IFT172: variants seen among roughly 807,000 people sequenced by gnomAD.
IFT172 encodes intraflagellar transport protein 172 homolog.
Under a neutral mutation model 248.9 loss-of-function variants are expected in IFT172, and 164 were observed. That is an observed-to-expected ratio of 0.66 (90% CI 0.58 to 0.75). The LOEUF (loss-of-function observed/expected upper bound fraction) is 0.75. Among genes scored for constraint, IFT172 ranks in the 30% least tolerant of loss-of-function variants. IFT172 has a pLI of 0.00. For synonymous variants in IFT172, 729 were observed against 791.6 expected (o/e 0.92, Z 1.33); for missense variants, 1,950 against 2,192.4 (o/e 0.89, Z 2.21).
chr2:27,485,745 A>G (rs1306234964), intron 1 of IFT172, among the ~76,000 whole-genome samples: 2 of 152,222 alleles, frequency 1.3e-5, no homozygotes, highest in East Asian at 1.9e-4. Context: ...TGCTAAGTCA[A>G]CTGTATCAAT....
intron 35 of IFT172, 186 bp downstream of exon 35, chr2:27,453,198 C>G (rs1158827931): frequency 1.2e-6 from 1 of 822,224 alleles, no homozygotes. Context: ...AGGGCTCTGT[C>G]TTATATCCAC....
rs1666669350 is a variant in IFT172, at chr2:27,461,527, C to A, written c.2194-10G>T. On this transcript the variant is annotated splice_polypyrimidine_tract_variant and intron_variant, in intron 21 of 47. Transcript: ENST00000260570. Reference sequence around the variant, plus strand: ...CCAGGGCTGGGTGCCCCTGGACATGCACAGAGGACAACTAGGAGTCACATC... The same window carrying A: ...CCAGGGCTGGGTGCCCCTGGACATGAACAGAGGACAACTAGGAGTCACATC... 5 of 1,613,034 alleles carry A rather than the reference C, an allele frequency of 3.1e-6. No homozygotes were observed. In the African/African-American group the frequency reaches 4.0e-5, roughly 13 times the overall value.
chr2:27,478,229 C>T, intron 10 of IFT172, 73 bp from the exon 11 acceptor site: 1 of 1,573,942 alleles, frequency 6.4e-7, no homozygotes, highest in Non-Finnish European at 8.7e-7. Context: ...ATGACCTTTG[C>T]CCACCTCCAC....
intron 8 of IFT172, among the ~76,000 whole-genome samples, chr2:27,480,465 G>A (rs1668280117): frequency 6.6e-6 from 1 of 152,176 alleles, no homozygotes. Flanking sequence ...AGTGAAGAAA[G>A]AAGAGAATAC....
intron 13 of IFT172, 127 bp from the exon 14 acceptor site, chr2:27,476,853 ACTCTGGTTGCC>A: frequency 1.5e-6 from 1 of 645,608 alleles, no homozygotes; most frequent in Non-Finnish European, 2.7e-6. Flanking sequence ...ACAGGGTCTC[ACTCTGGTTGCC>A]AAAGCTGAAG....
chr2:27,451,761 G>A (rs186254836), intron 35 of IFT172, among the ~76,000 whole-genome samples: 51 of 152,090 alleles, frequency 3.4e-4, no homozygotes, highest in Non-Finnish European at 5.7e-4. Flanking sequence ...GCAAGACTCC[G>A]TCTCAAAAAA....
At chr2:27,480,217 C>T in intron 8 of IFT172, 68 bp from the exon 9 acceptor site, 1 of 1,512,948 alleles carries the variant, frequency 6.6e-7, no homozygotes, top group Non-Finnish European at 8.8e-7. Flanking sequence ...GGGCTGATAA[C>T]CAAAGGAAAT....
chr2:27,444,517 G>A lies in IFT172; in HGVS notation c.5165C>T (p.Ser1722Phe). Reference protein sequence around the residue: ...WNKFLMAIKTSHSPVCQDVLK... With the variant: ...WNKFLMAIKTFHSPVCQDVLK... ...CACGTCCTGGCACACTGGGCTGTGG[G>A]AGGTCTGTGAGCAAATGGAAGAACA... Residue 1722 changes from serine (S) to phenylalanine (F), a missense_variant, in exon 48 of 48, where the codon TCC becomes TTC. Ser to Phe is a radical substitution (Grantham distance 155). Coordinates refer to ENST00000260570, the MANE Select transcript of IFT172 (RefSeq NM_015662.3). 6.2e-7 allele frequency: 1 copy of A among 1,613,124 alleles called. No individual in the cohort carries two copies. The highest frequency in any genetic ancestry group is 8.5e-7 in the Non-Finnish European group (1 of 1,179,442).
In IFT172 at chr2:27,445,632, GA is replaced by G; in HGVS notation, c.4914+112del. On this transcript the variant is annotated intron_variant, in intron 45 of 47. Transcript: ENST00000260570. This position sits in a 1 kb window ranked among gnomAD's most constrained non-coding sequence, Gnocchi z 4.4. ...TTTCTATTTTGCTTCTACTTTCACTGAAAAAACAGTGAGGGCTGAGGTCCTT... is the reference window on the plus strand; with the variant it reads ...TTTCTATTTTGCTTCTACTTTCACTGAAAAACAGTGAGGGCTGAGGTCCTT... The G allele has an allele frequency of 7.1e-7, 1 of 1,399,546 alleles. No individual in the cohort carries two copies. Among genetic ancestry groups the G allele is most frequent in the Non-Finnish European group, 9.8e-7 (1 of 1,017,252 alleles). 86.7% of individuals were successfully genotyped at this position (1,399,546 alleles called of 1,614,324 possible).
At chr2:27,466,814 C>T (rs887409664) in intron 16 of IFT172, among the ~76,000 whole-genome samples, 2 of 151,538 alleles carry the variant, frequency 1.3e-5, no homozygotes, top group South Asian at 4.2e-4. Flanking sequence ...GAGTTCAAGA[C>T]CAGCCTGGGC....
chr2:27,463,290 G>C (rs754251247), intron 18 of IFT172, 109 bp from the exon 19 acceptor site: 16 of 1,020,632 alleles, frequency 1.6e-5, no homozygotes, highest in Non-Finnish European at 2.0e-5. Flanking sequence ...GCCAGCCAAT[G>C]TCTTGTCACT....
chr2:27,454,573 C>T lies in IFT172; in HGVS notation c.3459G>A (p.Glu1153=). The T allele has an allele frequency of 6.2e-7, 1 of 1,614,094 alleles. No individual in the cohort carries two copies. The highest frequency in any genetic ancestry group is 8.5e-7 in the Non-Finnish European group (1 of 1,179,990). ...GTCCAAATCACACCCATACCTCATC[C>T]TCCAGGAACATAGCATATTTGAGAT... The part of the protein sequence containing the change: ...EVHLKYAMFL[E]DEGKFEEAEA... The change falls in exon 31 of 48, where the codon GAG becomes GAA. Residue 1153 remains glutamate (E), a synonymous_variant. Coordinates refer to ENST00000260570, the MANE Select transcript of IFT172 (RefSeq NM_015662.3). This position sits in a 1 kb window ranked among gnomAD's most constrained non-coding sequence, Gnocchi z 4.2.
At chr2:27,449,234 G>A (rs1228253956) in intron 39 of IFT172, 60 bp downstream of exon 39, 2 of 1,592,350 alleles carry the variant, frequency 1.3e-6, no homozygotes, top group African/African-American at 1.3e-5. Context: ...GCATCTTTGA[G>A]GCAGGTGGGG....
Position 27,485,135 on chromosome 2 carries a change from G to T in IFT172, c.184-5C>A. 6.6e-7 allele frequency: 1 copy of T among 1,515,622 alleles called. No individual in the cohort carries two copies. The highest frequency in any genetic ancestry group is 9.0e-7 in the Non-Finnish European group (1 of 1,111,312). The allele number at this position is 1,515,622 out of a possible 1,614,324, so 93.9% of individuals were successfully genotyped here. On this transcript the variant is annotated splice_region_variant and splice_polypyrimidine_tract_variant and intron_variant, in intron 2 of 47. Coordinates refer to ENST00000260570, the MANE Select transcript of IFT172 (RefSeq NM_015662.3). ...CATATAGCTCTTCCTGCCATACTAAGAGTTTAAAAAAAAAAAAAGAAAGAA... is the reference window on the plus strand; with the variant it reads ...CATATAGCTCTTCCTGCCATACTAATAGTTTAAAAAAAAAAAAAGAAAGAA...
intron 9 of IFT172, among the ~76,000 whole-genome samples, 170 bp from the exon 10 acceptor site, chr2:27,479,774 C>T (rs1171743204): frequency 6.6e-6 from 1 of 152,210 alleles, no homozygotes; most frequent in East Asian, 1.9e-4. Flanking sequence ...AATCATTGGA[C>T]TCAAGGGCAC....
intron 6 of IFT172, 59 bp from the exon 7 acceptor site, chr2:27,483,435 C>G (rs1558415050): frequency 1.4e-6 from 2 of 1,400,528 alleles, no homozygotes; most frequent in South Asian, 2.3e-5. Context: ...ACCAAGAAAG[C>G]CCCTTTCTCT....
At position 27,445,757 on chromosome 2, in the gene IFT172, C is replaced by T; in HGVS notation, c.4902G>A (p.Lys1634=). 6.2e-7 allele frequency: 1 copy of T among 1,614,172 alleles called. No homozygotes were observed. The highest frequency in any genetic ancestry group is 8.5e-7 in the Non-Finnish European group (1 of 1,180,042). The part of the protein sequence containing the change: ...DIPFEVPLPA[K]QHVPEAEREE... ...CCTGTGCCCTTACCGGTACATGCTG[C>T]TTAGCTGGGAGTGGCACCTCAAAGG... The change falls in exon 45 of 48, where the codon AAG becomes AAA. Residue 1634 remains lysine (K), a synonymous_variant. Transcript: ENST00000260570. This position sits in a 1 kb window ranked among gnomAD's most constrained non-coding sequence, Gnocchi z 4.4.
chr2:27,454,500 C>A lies in IFT172; in HGVS notation c.3465+67G>T. The stretch of plus-strand genomic sequence containing the variant: ...GGCATGAGACTGGGGGTCTGCACAC[C>A]CAGCAGCAGTGCACTAGGGGATGGA... On this transcript the variant is annotated intron_variant, in intron 31 of 47. Coordinates refer to ENST00000260570, the MANE Select transcript of IFT172 (RefSeq NM_015662.3). This position sits in a 1 kb window ranked among gnomAD's most constrained non-coding sequence, Gnocchi z 4.2. The A allele has an allele frequency of 1.2e-6, 2 of 1,611,100 alleles. No individual in the cohort carries two copies. The highest frequency in any genetic ancestry group is 1.7e-6 in the Non-Finnish European group (2 of 1,177,400).
Position 27,447,934 on chromosome 2 carries a change from G to C in IFT172, c.4429-12C>G. Reference sequence around the variant, plus strand: ...TAGATATTGAAGTTCTAGAGGTAGAGGGAAGAAGGGGATCTGAGAAGGGCA... The same window carrying C: ...TAGATATTGAAGTTCTAGAGGTAGACGGAAGAAGGGGATCTGAGAAGGGCA... On this transcript the variant is annotated splice_polypyrimidine_tract_variant and intron_variant, in intron 40 of 47. Coordinates refer to ENST00000260570, the MANE Select transcript of IFT172 (RefSeq NM_015662.3). 1 of 1,479,260 alleles carries C rather than the reference G, an allele frequency of 6.8e-7. No individual in the cohort carries two copies. The highest frequency in any genetic ancestry group is 9.5e-7 in the Non-Finnish European group (1 of 1,056,948). The allele number at this position is 1,479,260 out of a possible 1,614,324, so 91.6% of individuals were successfully genotyped here.
Sources: allele counts gnomAD v4.1 joint callset (sites outside exome capture counted in the v4.1 genomes callset), GRCh38; gene constraint gnomAD v4.1.1; non-coding constraint Gnocchi (gnomAD v3.1); transcripts MANE v1.5; gene names NCBI Gene and HGNC (gene_info 2026-07-23, HGNC 2026-07-21).